Variants in TLL2 observed in about 807,000 individuals in gnomAD.
TLL2 encodes the protein tolloid-like protein 2.
A neutral mutation model predicts 123.0 loss-of-function variants in TLL2; 106 were observed. The observed-to-expected ratio is 0.86, with a 90% CI of 0.74 to 1.01. TLL2 has a LOEUF of 1.01. Among genes scored for constraint, TLL2 ranks in the 50% least tolerant of loss-of-function variants. TLL2 has a pLI of 0.00. For synonymous variants in TLL2, 494 were observed against 516.8 expected (o/e 0.96, Z 0.60); for missense variants, 1,332 against 1,336.7 (o/e 1.00, Z 0.06).
chr10:96,454,132 T>C (rs890220125), intron 2 of TLL2, among the ~76,000 whole-genome samples: 3 of 152,226 alleles, frequency 2.0e-5, no homozygotes, highest in African/African-American at 4.8e-5. Context: ...TCTTTTTTTT[T>C]CTGCTTTTCT....
chr10:96,513,926 TGGCGGTGGC>T (rs1943558061), upstream of TLL2: 1 of 492,280 alleles, frequency 2.0e-6, no homozygotes. Flanking sequence ...GCTGCGAGTG[TGGCGGTGGC>T]GGCGGTGGTT....
intron 20 of TLL2, among the ~76,000 whole-genome samples, chr10:96,369,212 A>T (rs2134048809): frequency 6.6e-6 from 1 of 152,312 alleles, no homozygotes; most frequent in South Asian, 2.1e-4. Flanking sequence ...GTACTGGCCA[A>T]TGCGCAAACT....
rs1305350799 is a variant in TLL2 at position 96,472,196 on chromosome 10, G to A, written c.286+8153C>T. On this transcript the variant is annotated intron_variant, in intron 2 of 20. Transcript: ENST00000357947. ...GAGATGGCACTTGGCAATGCATGAC[G>A]TGAGAGAAGACAGACTTGAATCCAA... 5.3e-5 allele frequency among the ~76,000 whole-genome samples: 8 copies of A among 152,128 alleles called. No individual in the cohort carries two copies. The South Asian group carries it at 6.2e-4, about 12-fold the overall frequency.
chr10:96,463,297 C>T (rs1164109775), intron 2 of TLL2, among the ~76,000 whole-genome samples: 3 of 152,150 alleles, frequency 2.0e-5, no homozygotes, highest in Non-Finnish European at 4.4e-5. Flanking sequence ...ACGAACGCAG[C>T]AAACGAAGCC....
chr10:96,433,027 T>C (rs757701350), intron 3 of TLL2, 65 bp from the exon 4 acceptor site: 1 of 1,569,984 alleles, frequency 6.4e-7, no homozygotes, highest in East Asian at 2.3e-5. Context: ...ATGGCTGAGG[T>C]TGTATTATCC....
At chr10:96,480,303 C>T in intron 2 of TLL2, 46 bp downstream of exon 2, 1 of 1,534,572 alleles carries the variant, frequency 6.5e-7, no homozygotes, top group Non-Finnish European at 9.0e-7. Flanking sequence ...GCTGAAGTCC[C>T]TCATCCCTCC....
chr10:96,509,863 C>T (rs1050344989), intron 1 of TLL2, among the ~76,000 whole-genome samples: 1 of 152,296 alleles, frequency 6.6e-6, no homozygotes, highest in Non-Finnish European at 1.5e-5. Flanking sequence ...AGGAGAATGG[C>T]GTGAACCCGG....
chr10:96,399,361 C>T (rs983353739), intron 10 of TLL2, among the ~76,000 whole-genome samples: 2 of 152,142 alleles, frequency 1.3e-5, no homozygotes, highest in Admixed American at 6.5e-5. Flanking sequence ...GGACAAACCA[C>T]GTGAGGCTAT....
chr10:96,378,151 G>C (rs1041950160), intron 17 of TLL2, among the ~76,000 whole-genome samples: 9 of 152,278 alleles, frequency 5.9e-5, no homozygotes, highest in African/African-American at 2.2e-4. Flanking sequence ...ATTCTAGGCA[G>C]ATCCTGACCA....
chr10:96,376,647 T>C, intron 18 of TLL2, 45 bp downstream of exon 18: 1 of 1,601,606 alleles, frequency 6.2e-7, no homozygotes. Flanking sequence ...CACATCTGCC[T>C]GATACTCAAG....
At chr10:96,403,589 C>T (rs958640991) in intron 10 of TLL2, among the ~76,000 whole-genome samples, 1 of 152,132 alleles carries the variant, frequency 6.6e-6, no homozygotes, top group Non-Finnish European at 1.5e-5. Flanking sequence ...CACAGTGCAC[C>T]TCTGCCCTTG....
chr10:96,413,402 CA>C lies in TLL2; in HGVS notation c.924-87del, dbSNP rs759078629. 5.3e-6 allele frequency: 8 copies of C among 1,508,236 alleles called. No individual in the cohort carries two copies. In the East Asian group the frequency reaches 9.4e-5, roughly 18 times the overall value. 93.4% of individuals were successfully genotyped at this position (1,508,236 alleles called of 1,614,324 possible). A position where few individuals can be genotyped will look rare whatever the true frequency, so the allele number is the denominator to read the frequency against. On this transcript the variant is annotated intron_variant, in intron 7 of 20. Coordinates refer to ENST00000357947, the MANE Select transcript of TLL2 (RefSeq NM_012465.4). Reference sequence around the variant, plus strand: ...GATTTCTAGGCTTCATTCCCTTGCCCATAACCCCATCAACATTCCTGCCCCC... The same window carrying C: ...GATTTCTAGGCTTCATTCCCTTGCCCTAACCCCATCAACATTCCTGCCCCC...
At chr10:96,388,933 T>G (rs1846260923) in intron 13 of TLL2, among the ~76,000 whole-genome samples, 1 of 152,206 alleles carries the variant, frequency 6.6e-6, no homozygotes, top group Non-Finnish European at 1.5e-5. Flanking sequence ...GAGATTGCGT[T>G]TAGAGAGACA....
intron 3 of TLL2, among the ~76,000 whole-genome samples, chr10:96,440,277 C>G (rs2134084654): frequency 6.6e-6 from 1 of 152,316 alleles, no homozygotes; most frequent in East Asian, 1.9e-4. Context: ...ATTCTCCACA[C>G]CCTGCATGGT....
At position 96,384,580 on chromosome 10, in the gene TLL2, C is replaced by T. The variant is rs776316107; in HGVS notation, c.2194+7G>A. ...GCTGCATCAGCCTCACCTCTGAACCCGCATACCTGAGAAGAAGTGGGCCCT... is the reference window on the plus strand; with the variant it reads ...GCTGCATCAGCCTCACCTCTGAACCTGCATACCTGAGAAGAAGTGGGCCCT... On this transcript the variant is annotated splice_region_variant and intron_variant, in intron 16 of 20. Coordinates refer to ENST00000357947, the MANE Select transcript of TLL2 (RefSeq NM_012465.4). The T allele has an allele frequency of 7.0e-6, 11 of 1,576,370 alleles. No individual in the cohort carries two copies. The highest frequency in any genetic ancestry group is 2.3e-5 in the East Asian group (1 of 43,392).
intron 19 of TLL2, chr10:96,373,377 A>G: frequency 2.1e-6 from 1 of 472,824 alleles, no homozygotes; most frequent in Non-Finnish European, 3.9e-6. Context: ...CTGACCTCAG[A>G]TGATCCGCCT....
At chr10:96,498,290 G>A (rs914509616) in intron 1 of TLL2, among the ~76,000 whole-genome samples, 1 of 152,212 alleles carries the variant, frequency 6.6e-6, no homozygotes, top group African/African-American at 2.4e-5. Flanking sequence ...TATTCAGATG[G>A]CCTTGGACAA....
Position 96,410,561 on chromosome 10 carries a change from A to G in TLL2, c.1049-87T>C, listed in dbSNP as rs754839386. ...CCGCACGGGGCAGCGGAGCAAACATACCCCTTTGCCAGCCAAAGCCCTCGG... is the reference window on the plus strand; with the variant it reads ...CCGCACGGGGCAGCGGAGCAAACATGCCCCTTTGCCAGCCAAAGCCCTCGG... On this transcript the variant is annotated intron_variant, in intron 8 of 20. Transcript: ENST00000357947. 1.5e-5 allele frequency: 15 copies of G among 1,019,972 alleles called. No homozygotes were observed. In the African/African-American group the frequency reaches 2.2e-4, roughly 15 times the overall value. The allele number at this position is 1,019,972 out of a possible 1,614,324, so 63.2% of individuals were successfully genotyped here. A position where few individuals can be genotyped will look rare whatever the true frequency, so the allele number is the denominator to read the frequency against.
intron 7 of TLL2, among the ~76,000 whole-genome samples, chr10:96,413,745 G>A (rs1846529666): frequency 6.6e-6 from 1 of 152,208 alleles, no homozygotes; most frequent in African/African-American, 2.4e-5. Context: ...CTGGTCCAAT[G>A]TGAGACTCTC....
Sources: gnomAD v4.1 joint callset for allele counts (sites outside exome capture counted in the v4.1 genomes callset) on GRCh38, gnomAD v4.1.1 for gene constraint, MANE v1.5 for transcripts, NCBI Gene and HGNC (gene_info 2026-07-23, HGNC 2026-07-21) for gene names.